Variants in THSD4 observed in about 807,000 individuals in gnomAD.
The protein encoded by THSD4 is thrombospondin type 1 domain containing 4, also known as thrombospondin type-1 domain-containing protein 4.
In THSD4, 69 loss-of-function variants were observed where a neutral mutation model predicts 119.0. The ratio of observed to expected loss-of-function variants is 0.58; its 90% confidence interval spans 0.48 to 0.71. The LOEUF (loss-of-function observed/expected upper bound fraction) is 0.71. Ranked by LOEUF, THSD4 falls within the 30% of genes least tolerant of loss-of-function variation. THSD4 has a pLI of 0.00. For missense variants in THSD4, 1,393 were observed against 1,391.1 expected (o/e 1.00, Z -0.02); for synonymous variants, 524 against 540.4 (o/e 0.97, Z 0.42).
intron 6 of THSD4, among the ~76,000 whole-genome samples, chr15:71,316,085 A>G (rs2045182958): frequency 6.6e-6 from 1 of 152,194 alleles, no homozygotes; most frequent in Non-Finnish European, 1.5e-5. Context: ...ATAACTTCAA[A>G]GTTATCCCTG....
rs200392454 is a variant in THSD4 at position 71,516,687 on chromosome 15, TCAGA to T, written c.1152+104867_1152+104870del. 4.7e-3 allele frequency among the ~76,000 whole-genome samples: 712 copies of T among 152,366 alleles called. 9 individuals carry two copies. The highest frequency in any genetic ancestry group is 0.017 in the African/African-American group (690 of 41,590). On this transcript the variant is annotated intron_variant, in intron 7 of 17. Transcript: ENST00000261862. ...GTACCATTATTTACATTATTTGTTT[TCAGA>T]CAAATTACAATTTCACTTTTTTCTT...
At chr15:71,716,561 G>GGTCTGTGTGT (rs2052612002) in intron 8 of THSD4, among the ~76,000 whole-genome samples, 1 of 144,564 alleles carries the variant, frequency 6.9e-6, no homozygotes, top group African/African-American at 2.6e-5. Context: ...TAGAGTGTGG[G>GGTCTGTGTGT]GTGTGTGTGT....
intron 7 of THSD4, among the ~76,000 whole-genome samples, chr15:71,508,768 G>C (rs2048233834): frequency 6.6e-6 from 1 of 152,112 alleles, no homozygotes; most frequent in Non-Finnish European, 1.5e-5. Context: ...GTTGGATCCT[G>C]CTGCTTCTCT....
intron 3 of THSD4, chr15:71,187,340 G>C (rs1385687401): frequency 1.3e-5 from 2 of 152,696 alleles, no homozygotes; most frequent in East Asian, 1.9e-4. Context: ...TATTACTCTT[G>C]TGCCTTTGTC....
At chr15:71,392,457 G>A (rs1252412334) in intron 6 of THSD4, among the ~76,000 whole-genome samples, 2 of 152,206 alleles carry the variant, frequency 1.3e-5, no homozygotes, top group Non-Finnish European at 2.9e-5. Context: ...TTATTAAGTA[G>A]AAGAACTCAG....
intron 7 of THSD4, among the ~76,000 whole-genome samples, chr15:71,602,677 G>C (rs911903426): frequency 6.6e-6 from 1 of 151,922 alleles, no homozygotes. Flanking sequence ...CTGCAAGCCT[G>C]TACAGGCAGA....
chr15:71,716,311 A>G (rs2052605969), intron 8 of THSD4, among the ~76,000 whole-genome samples: 2 of 152,300 alleles, frequency 1.3e-5, no homozygotes, highest in East Asian at 1.9e-4. Flanking sequence ...AACATCTTCA[A>G]AGATCCTATT....
chr15:71,221,475 T>G (rs929999115), intron 4 of THSD4, among the ~76,000 whole-genome samples: 3 of 152,186 alleles, frequency 2.0e-5, no homozygotes, highest in Non-Finnish European at 4.4e-5. Flanking sequence ...CCAACCACCA[T>G]TCTACTTTCT....
At chr15:71,167,687 T>C (rs1277089141) in intron 3 of THSD4, among the ~76,000 whole-genome samples, 5 of 152,222 alleles carry the variant, frequency 3.3e-5, no homozygotes, top group Non-Finnish European at 2.9e-5. Flanking sequence ...AGCAGACAGC[T>C]GGGGCATAAA....
At chr15:71,655,274 G>A (rs893169911) in intron 7 of THSD4, among the ~76,000 whole-genome samples, 2 of 152,180 alleles carry the variant, frequency 1.3e-5, no homozygotes, top group Non-Finnish European at 2.9e-5. Flanking sequence ...GGTACCGTTT[G>A]AGCAGTGAGA....
At chr15:71,250,502 A>T (rs1379160397) in intron 5 of THSD4, among the ~76,000 whole-genome samples, 2 of 152,070 alleles carry the variant, frequency 1.3e-5, no homozygotes, top group Non-Finnish European at 2.9e-5. Flanking sequence ...TATTTTTTGT[A>T]GAGATGGGTT....
At chr15:71,533,356 G>T (rs184383308) in intron 7 of THSD4, among the ~76,000 whole-genome samples, 2 of 152,270 alleles carry the variant, frequency 1.3e-5, no homozygotes, top group Admixed American at 6.5e-5. Context: ...AATGAAAATG[G>T]TTTCATCCTC....
chr15:71,532,519 G>A (rs2048630131), intron 7 of THSD4, among the ~76,000 whole-genome samples: 1 of 151,398 alleles, frequency 6.6e-6, no homozygotes, highest in South Asian at 2.1e-4. Context: ...GTTTCACCAT[G>A]TTGGCCAGGA....
intron 8 of THSD4, among the ~76,000 whole-genome samples, chr15:71,669,422 T>C (rs1253417634): frequency 1.3e-5 from 2 of 152,226 alleles, no homozygotes; most frequent in African/African-American, 4.8e-5. Context: ...ATTTTCATCT[T>C]TTTTTATTAT....
chr15:71,254,132 G>A (rs1055489356), intron 5 of THSD4, among the ~76,000 whole-genome samples: 11 of 152,228 alleles, frequency 7.2e-5, no homozygotes, highest in African/African-American at 2.7e-4. Context: ...GGAGCAGCTT[G>A]GCTTTACTTA....
chr15:71,503,063 A>G (rs895151823), intron 7 of THSD4, among the ~76,000 whole-genome samples: 7 of 128,064 alleles, frequency 5.5e-5, no homozygotes, highest in Non-Finnish European at 8.0e-5. Flanking sequence ...AAGTTTGAGA[A>G]GCACTCAGTT....
At chr15:71,200,972 T>A (rs138500865) in intron 3 of THSD4, among the ~76,000 whole-genome samples, 94 of 152,324 alleles carry the variant, frequency 6.2e-4, no homozygotes, top group Non-Finnish European at 1.1e-3. Flanking sequence ...TGTGCTCACT[T>A]ATAATCATTC....
At chr15:71,216,560 T>C (rs2043934385) in intron 4 of THSD4, among the ~76,000 whole-genome samples, 1 of 152,178 alleles carries the variant, frequency 6.6e-6, no homozygotes, top group Admixed American at 6.5e-5. Flanking sequence ...GTTCTTCAGC[T>C]GAATTCTGAA....
At chr15:71,487,318 GTGT>G (rs1181786131) in intron 7 of THSD4, among the ~76,000 whole-genome samples, 1 of 152,226 alleles carries the variant, frequency 6.6e-6, no homozygotes, top group African/African-American at 2.4e-5. Context: ...GCAAGAAATT[GTGT>G]TGTTTTCCTT....
Sources: gnomAD v4.1 joint callset for allele counts (sites outside exome capture counted in the v4.1 genomes callset) on GRCh38, gnomAD v4.1.1 for gene constraint, MANE v1.5 for transcripts, NCBI Gene and HGNC (gene_info 2026-07-23, HGNC 2026-07-21) for gene names.